Variants in IL1RAPL1 observed in about 807,000 individuals in gnomAD.
IL1RAPL1 encodes interleukin 1 receptor accessory protein like 1, also known as interleukin-1 receptor accessory protein-like 1.
A neutral mutation model predicts 48.4 loss-of-function variants in IL1RAPL1; 3 were observed. The observed-to-expected ratio is 0.06, with a 90% CI of 0.03 to 0.16. The LOEUF (loss-of-function observed/expected upper bound fraction) is 0.16, where lower values mean the gene tolerates loss of function less well. IL1RAPL1 is among the 10% of genes least tolerant of loss of function. IL1RAPL1 has a pLI of 1.00. For missense variants in IL1RAPL1, 349 were observed against 530.6 expected (o/e 0.66, Z 3.36); for synonymous variants, 185 against 187.7 (o/e 0.99, Z 0.12).
intron 5 of IL1RAPL1, among the ~76,000 whole-genome samples, chrX:29,550,649 C>T (rs757466588): frequency 2.7e-5 from 3 of 110,822 alleles, no homozygotes; most frequent in African/African-American, 9.8e-5. Flanking sequence ...TAAATAAATA[C>T]CAATTAAAAG....
chrX:29,305,624 G>A (rs1932605013), intron 3 of IL1RAPL1, among the ~76,000 whole-genome samples: 1 of 111,639 alleles, frequency 9.0e-6, no homozygotes, highest in African/African-American at 3.3e-5. Context: ...AGGAAGGAAG[G>A]ATATCAAGCC....
At chrX:28,803,418 G>A (rs1936696042) in intron 2 of IL1RAPL1, among the ~76,000 whole-genome samples, 1 of 111,659 alleles carries the variant, frequency 9.0e-6, no homozygotes, top group Non-Finnish European at 1.9e-5. Context: ...TAAATGGAAA[G>A]CACTAGTCAT....
At chrX:28,803,004 C>A (rs1386101777) in intron 2 of IL1RAPL1, among the ~76,000 whole-genome samples, 1 of 111,043 alleles carries the variant, frequency 9.0e-6, no homozygotes, top group Non-Finnish European at 1.9e-5. Context: ...ATATATATTT[C>A]TCCTATATTT....
intron 1 of IL1RAPL1, among the ~76,000 whole-genome samples, chrX:28,602,739 T>C (rs189289802): frequency 8.9e-6 from 1 of 111,991 alleles, no homozygotes; most frequent in Admixed American, 9.5e-5. Flanking sequence ...CTTTTATTAA[T>C]TTGGGTACTC....
At chrX:28,873,523 C>CTTTTTTTTTTTTTTTTTTT (rs10554661) in intron 2 of IL1RAPL1, among the ~76,000 whole-genome samples, 14 of 56,659 alleles carry the variant, frequency 2.5e-4, no homozygotes, top group African/African-American at 1.0e-3. Context: ...TTCTTTCTTT[C>CTTTTTTTTTTTTTTTTTTT]TTTTTTTTTT....
At chrX:29,096,747 A>T (rs964759042) in intron 2 of IL1RAPL1, among the ~76,000 whole-genome samples, 2 of 110,588 alleles carry the variant, frequency 1.8e-5, no homozygotes, top group Non-Finnish European at 3.8e-5. Flanking sequence ...AAAGTTTTTC[A>T]AGATGTTATG....
chrX:28,997,113 G>A (rs907973526), intron 2 of IL1RAPL1, among the ~76,000 whole-genome samples: 1 of 110,533 alleles, frequency 9.0e-6, no homozygotes, highest in African/African-American at 3.3e-5. Context: ...ATTGGTTCAG[G>A]GTAGTGTGGA....
At chrX:28,842,608 T>C (rs774896597) in intron 2 of IL1RAPL1, among the ~76,000 whole-genome samples, 1 of 111,435 alleles carries the variant, frequency 9.0e-6, no homozygotes, top group South Asian at 3.8e-4. Flanking sequence ...TCTGTACATA[T>C]TGAGGAGCTT....
chrX:29,582,101 C>T (rs767165247), intron 5 of IL1RAPL1, among the ~76,000 whole-genome samples: 7 of 111,050 alleles, frequency 6.3e-5, no homozygotes, highest in Admixed American at 5.7e-4. Context: ...TAGTGCAAGA[C>T]GAGGAAAGCA....
At chrX:29,640,566 A>G (rs1474391527) in intron 5 of IL1RAPL1, among the ~76,000 whole-genome samples, 1 of 111,703 alleles carries the variant, frequency 9.0e-6, no homozygotes, top group East Asian at 2.8e-4. Flanking sequence ...TCATCCCACC[A>G]TCTTCCCACA....
At chrX:29,434,573 T>C (rs1934460008) in intron 5 of IL1RAPL1, among the ~76,000 whole-genome samples, 1 of 111,021 alleles carries the variant, frequency 9.0e-6, no homozygotes, top group African/African-American at 3.3e-5. Context: ...AGATTTGTTA[T>C]TGATACATCT....
intron 3 of IL1RAPL1, among the ~76,000 whole-genome samples, chrX:29,323,447 C>T (rs6630842): frequency 0.036 from 3,837 of 106,561 alleles, 172 homozygotes; most frequent in African/African-American, 0.12. Context: ...GTCTTAGTCT[C>T]TACACACTTG....
intron 8 of IL1RAPL1, among the ~76,000 whole-genome samples, chrX:29,934,579 G>A (rs998820651): frequency 5.4e-5 from 6 of 111,720 alleles, no homozygotes; most frequent in Non-Finnish European, 1.1e-4. Context: ...CAAGAACAGT[G>A]CAATAAATTT....
At chrX:29,593,377 C>T (rs1923444125) in intron 5 of IL1RAPL1, among the ~76,000 whole-genome samples, 1 of 111,976 alleles carries the variant, frequency 8.9e-6, no homozygotes, top group Non-Finnish European at 1.9e-5. Context: ...AGAAGGAAGC[C>T]TTGACTTTCT....
intron 5 of IL1RAPL1, among the ~76,000 whole-genome samples, chrX:29,478,775 C>A (rs996776203): frequency 9.1e-6 from 1 of 109,764 alleles, no homozygotes; most frequent in Admixed American, 9.7e-5. Context: ...TTCTCTCTGC[C>A]GGGAGTGTTC....
At chrX:28,804,300 C>T (rs1936704881) in intron 2 of IL1RAPL1, among the ~76,000 whole-genome samples, 2 of 111,749 alleles carry the variant, frequency 1.8e-5, no homozygotes, top group South Asian at 3.7e-4. Flanking sequence ...AATCTACCAC[C>T]TCTGCTATTA....
intron 6 of IL1RAPL1, among the ~76,000 whole-genome samples, chrX:29,910,957 TTGTTA>T (rs1355989954): frequency 1.8e-5 from 2 of 111,416 alleles, no homozygotes; most frequent in African/African-American, 6.5e-5. Flanking sequence ...GAAAACCAAT[TTGTTA>T]TTTCTTCAAA....
chrX:29,871,386 T>C (rs747473431), intron 6 of IL1RAPL1, among the ~76,000 whole-genome samples: 22 of 112,327 alleles, frequency 2.0e-4, no homozygotes, highest in Non-Finnish European at 3.6e-4. Flanking sequence ...TTCTAAACCA[T>C]TGAGAACAGA....
intron 5 of IL1RAPL1, among the ~76,000 whole-genome samples, chrX:29,598,506 G>A (rs1389916094): frequency 8.9e-6 from 1 of 111,864 alleles, no homozygotes; most frequent in Non-Finnish European, 1.9e-5. Context: ...TTCTGCAGTT[G>A]CTGGGTAGAA....
Sources: allele counts gnomAD v4.1 joint callset (sites outside exome capture counted in the v4.1 genomes callset), GRCh38; gene constraint gnomAD v4.1.1; transcripts MANE v1.5; gene names NCBI Gene and HGNC (gene_info 2026-07-23, HGNC 2026-07-21).